Variants in ARHGEF11 observed in about 807,000 individuals in gnomAD.
ARHGEF11 encodes the protein Rho guanine exchange factor (GEF) 11.
ARHGEF11 carries 55 observed loss-of-function variants against 193.7 expected under a neutral mutation model. That is an observed-to-expected ratio of 0.28 (90% CI 0.23 to 0.36). The LOEUF is 0.36. Ranked by LOEUF, ARHGEF11 falls within the 10% of genes least tolerant of loss-of-function variation. The probability of loss-of-function intolerance (pLI) is 1.00; values close to 1 mark genes in which losing one functional copy is unlikely to be tolerated. For synonymous variants in ARHGEF11, 693 were observed against 768.0 expected (o/e 0.90, Z 1.62); for missense variants, 1,723 against 2,005.6 (o/e 0.86, Z 2.69).
chr1:157,044,248 C>T (rs746157395), intron 1 of ARHGEF11, 51 bp downstream of exon 1: 6 of 1,557,658 alleles, frequency 3.9e-6, no homozygotes, highest in Non-Finnish European at 5.3e-6. Flanking sequence ...ACCACCCCTC[C>T]CAGTCTTTCC....
At chr1:156,980,344 A>G in intron 4 of ARHGEF11, 93 bp downstream of exon 4, 2 of 1,472,158 alleles carry the variant, frequency 1.4e-6, no homozygotes, top group African/African-American at 1.4e-5. Context: ...AGTTGGTATC[A>G]AGATGAAAGT....
chr1:156,960,486 A>G lies in ARHGEF11; in HGVS notation c.1240-26T>C, dbSNP rs369144247. The G allele has an allele frequency of 6.2e-5, 100 of 1,613,566 alleles. 1 individual carries two copies. The Middle Eastern group carries it at 1.5e-3, about 24-fold the overall frequency. On this transcript the variant is annotated intron_variant, in intron 14 of 40. Transcript: ENST00000368194. The stretch of plus-strand genomic sequence containing the variant: ...CTAAAAAACAGAAGTGTGGAGCAGA[A>G]GCAGTCAGGTCTGCACACTCCAGGG...
rs1004302632 is a variant in ARHGEF11 at position 156,935,630 on chromosome 1, T to TA, written c.*369dup. ...AAAGAGGGGAGGAAGAAAGTGCATT[T>TA]ACACAGAAGCCTCCTCCTTTCACTT... On this transcript the variant is annotated 3_prime_UTR_variant, in exon 41 of 41. Transcript: ENST00000368194. The TA allele has an allele frequency of 5.0e-6, 1 of 201,622 alleles. No individual in the cohort carries two copies. The highest frequency in any genetic ancestry group is 9.9e-6 in the Non-Finnish European group (1 of 100,632). The allele number at this position is 201,622 out of a possible 1,614,324, so 12.5% of individuals were successfully genotyped here. A position where few individuals can be genotyped will look rare whatever the true frequency, so the allele number is the denominator to read the frequency against.
rs1462003145 is a variant in ARHGEF11 at position 157,021,349 on chromosome 1, A to C, written c.32+22950T>G. Reference sequence around the variant, plus strand: ...GAACACCAAAAAAGAAAGCAGAATCACAGGCATGTCCTTGCCCTGTAATGC... The same window carrying C: ...GAACACCAAAAAAGAAAGCAGAATCCCAGGCATGTCCTTGCCCTGTAATGC... On this transcript the variant is annotated intron_variant, in intron 1 of 40. Transcript: ENST00000368194. Among the ~76,000 whole-genome samples the C allele has an allele frequency of 3.3e-5, 5 of 152,232 alleles. 1 individual carries two copies. In the East Asian group the frequency reaches 5.8e-4, roughly 18 times the overall value.
intron 1 of ARHGEF11, among the ~76,000 whole-genome samples, chr1:156,996,150 A>G (rs989483205): frequency 6.6e-6 from 1 of 152,224 alleles, no homozygotes; most frequent in African/African-American, 2.4e-5. Context: ...CTATGGACTT[A>G]GGCGGAGAGT....
chr1:156,967,377 T>C lies in ARHGEF11; in HGVS notation c.963+610A>G, dbSNP rs146964488. Among the ~76,000 whole-genome samples, 123 of 152,346 alleles carry C rather than the reference T, an allele frequency of 8.1e-4. 1 individual carries two copies. The highest frequency in any genetic ancestry group is 2.8e-3 in the African/African-American group (118 of 41,588). The stretch of plus-strand genomic sequence containing the variant: ...TTCTCTGGCTCTCAAGTCCATTCCA[T>C]TGCCAGACAGCCCAGCTTCTTTGCA... On this transcript the variant is annotated intron_variant, in intron 11 of 40. Transcript: ENST00000368194.
chr1:156,962,198 C>T (rs1660975122), intron 13 of ARHGEF11, among the ~76,000 whole-genome samples: 1 of 152,116 alleles, frequency 6.6e-6, no homozygotes, highest in African/African-American at 2.4e-5. Flanking sequence ...TGTGCCCTGT[C>T]TTTATTCAGG....
In ARHGEF11 at chr1:156,948,882, G is replaced by C; in HGVS notation, c.1926-384C>G. 1.0e-6 allele frequency: 1 copy of C among 985,424 alleles called. No individual in the cohort carries two copies. The highest frequency in any genetic ancestry group is 1.2e-6 in the Non-Finnish European group (1 of 829,920). 61.0% of individuals were successfully genotyped at this position (985,424 alleles called of 1,614,324 possible). On this transcript the variant is annotated intron_variant, in intron 22 of 40. Transcript: ENST00000368194. This position sits in a 1 kb window ranked among gnomAD's most constrained non-coding sequence, Gnocchi z 4.2. ...CATCGTCCCTCAACAGGGAACACAA[G>C]GTCCCAGCTCCCTGCCCCTAGTGGC...
At chr1:157,031,450 T>C (rs939000425) in intron 1 of ARHGEF11, among the ~76,000 whole-genome samples, 2 of 152,068 alleles carry the variant, frequency 1.3e-5, no homozygotes, top group Non-Finnish European at 2.9e-5. Context: ...AATTAAATGA[T>C]CCTAAGGCCT....
chr1:156,940,086 A>G (rs1656478132), intron 36 of ARHGEF11, 121 bp downstream of exon 36: 1 of 1,404,738 alleles, frequency 7.1e-7, no homozygotes, highest in Admixed American at 2.5e-5. Context: ...CTCCGCATCC[A>G]TCTCTCCTCA....
intron 22 of ARHGEF11, chr1:156,949,142 T>C: frequency 1.8e-5 from 18 of 983,374 alleles, no homozygotes; most frequent in South Asian, 4.7e-5. Flanking sequence ...TAAGATTCCA[T>C]TTCCTCTCAA....
chr1:157,009,930 T>G (rs1355651365), intron 1 of ARHGEF11, among the ~76,000 whole-genome samples: 1 of 152,222 alleles, frequency 6.6e-6, no homozygotes, highest in Non-Finnish European at 1.5e-5. Flanking sequence ...ACCTGCTGCC[T>G]GGAGCACCTA....
intron 1 of ARHGEF11, among the ~76,000 whole-genome samples, chr1:157,015,411 G>A (rs901539982): frequency 6.6e-6 from 1 of 152,160 alleles, no homozygotes. Context: ...TTAGAACAGT[G>A]CCTGGTACAT....
intron 1 of ARHGEF11, among the ~76,000 whole-genome samples, chr1:157,008,940 A>G (rs1668224593): frequency 6.6e-6 from 1 of 152,232 alleles, no homozygotes; most frequent in Non-Finnish European, 1.5e-5. Flanking sequence ...ACAAAAGGCA[A>G]GGCATGGATT....
At chr1:156,991,680 G>A (rs1312075502) in intron 1 of ARHGEF11, among the ~76,000 whole-genome samples, 1 of 140,970 alleles carries the variant, frequency 7.1e-6, no homozygotes, top group Non-Finnish European at 1.6e-5. Context: ...TATTTGTACT[G>A]AATTTTAGGG....
chr1:156,972,576 T>C (rs1056218873), intron 7 of ARHGEF11, among the ~76,000 whole-genome samples: 2 of 152,242 alleles, frequency 1.3e-5, no homozygotes, highest in Non-Finnish European at 2.9e-5. Flanking sequence ...ATAAAGCTTG[T>C]TGGTAAATAA....
chr1:156,986,004 G>T, intron 2 of ARHGEF11, 78 bp downstream of exon 2: 1 of 1,214,972 alleles, frequency 8.2e-7, no homozygotes. Context: ...CCTCCCATTG[G>T]CCTCCCAAGT....
chr1:156,947,684 C>T, intron 25 of ARHGEF11, 85 bp downstream of exon 25: 1 of 1,527,934 alleles, frequency 6.5e-7, no homozygotes, highest in Non-Finnish European at 8.8e-7. Context: ...CCCTATTTAC[C>T]TCTTTCCCAC....
At position 156,948,584 on chromosome 1, in the gene ARHGEF11, T is replaced by C; in HGVS notation, c.1926-86A>G. ...TGGCTAACTCTTACCTGTGGCTCCATCTCAAAGATGCCTCCGTGCCACAGG... is the reference window on the plus strand; with the variant it reads ...TGGCTAACTCTTACCTGTGGCTCCACCTCAAAGATGCCTCCGTGCCACAGG... On this transcript the variant is annotated intron_variant, in intron 22 of 40. Transcript: ENST00000368194. This position sits in a 1 kb window ranked among gnomAD's most constrained non-coding sequence, Gnocchi z 4.2. 1 of 1,611,428 alleles carries C rather than the reference T, an allele frequency of 6.2e-7. No individual in the cohort carries two copies. Among genetic ancestry groups the C allele is most frequent in the Non-Finnish European group, 8.5e-7 (1 of 1,179,364 alleles).
Sources: allele counts gnomAD v4.1 joint callset (sites outside exome capture counted in the v4.1 genomes callset), GRCh38; gene constraint gnomAD v4.1.1; non-coding constraint Gnocchi (gnomAD v3.1); transcripts MANE v1.5; gene names NCBI Gene and HGNC (gene_info 2026-07-23, HGNC 2026-07-21).